ASIC2: variants seen among roughly 807,000 people sequenced by gnomAD.
ASIC2 encodes acid sensing ion channel subunit 2.
In ASIC2, 25 loss-of-function variants were observed where a neutral mutation model predicts 57.3. The ratio of observed to expected loss-of-function variants is 0.44; its 90% CI spans 0.32 to 0.61. ASIC2 has a LOEUF of 0.61. Ranked by LOEUF, ASIC2 falls within the 20% of genes least tolerant of loss-of-function variation. ASIC2 has a pLI of 0.06. For synonymous variants in ASIC2, 319 were observed against 307.5 expected (o/e 1.04, Z -0.39); for missense variants, 641 against 738.1 (o/e 0.87, Z 1.52).
intron 1 of ASIC2, among the ~76,000 whole-genome samples, chr17:33,956,942 G>A (rs1414153187): frequency 6.6e-6 from 1 of 152,226 alleles, no homozygotes; most frequent in Non-Finnish European, 1.5e-5. Flanking sequence ...AGAGAGGCAG[G>A]GGATAGCTGC....
chr17:33,668,375 G>T (rs1446976265), intron 1 of ASIC2, among the ~76,000 whole-genome samples: 1 of 148,828 alleles, frequency 6.7e-6, no homozygotes, highest in Non-Finnish European at 1.5e-5. Flanking sequence ...GGAAGCTCTG[G>T]GGGAAAATCC....
chr17:33,751,436 G>T (rs1337613094), intron 1 of ASIC2, among the ~76,000 whole-genome samples: 1 of 152,150 alleles, frequency 6.6e-6, no homozygotes, highest in African/African-American at 2.4e-5. Flanking sequence ...GAAGAGATAA[G>T]ATATAGAAAG....
intron 1 of ASIC2, among the ~76,000 whole-genome samples, chr17:33,193,083 TGA>T (rs1906489930): frequency 2.0e-5 from 3 of 152,200 alleles, no homozygotes; most frequent in African/African-American, 7.2e-5. Flanking sequence ...CTAACGGATT[TGA>T]AAGTCCTTTA....
intron 1 of ASIC2, chr17:33,976,565 T>A (rs1372315996): frequency 6.6e-6 from 1 of 152,178 alleles, no homozygotes; most frequent in Non-Finnish European, 1.5e-5. Flanking sequence ...TTGAGCCCTG[T>A]GCCCGGTGAA....
chr17:33,724,388 G>T (rs1309023137), intron 1 of ASIC2, among the ~76,000 whole-genome samples: 1 of 152,210 alleles, frequency 6.6e-6, no homozygotes, highest in Non-Finnish European at 1.5e-5. Flanking sequence ...TCATTGGAAA[G>T]TTCTGAGCCG....
At chr17:33,389,885 T>C (rs1909827114) in intron 1 of ASIC2, among the ~76,000 whole-genome samples, 1 of 152,178 alleles carries the variant, frequency 6.6e-6, no homozygotes, top group Admixed American at 6.5e-5. Flanking sequence ...ATAACAATGA[T>C]GAGTGAAACA....
At chr17:33,341,224 G>A (rs2142237091) in intron 1 of ASIC2, among the ~76,000 whole-genome samples, 1 of 152,250 alleles carries the variant, frequency 6.6e-6, no homozygotes. Context: ...GATTTGGTCG[G>A]TCAAGGCTGA....
chr17:33,378,848 T>C (rs763065044), intron 1 of ASIC2, among the ~76,000 whole-genome samples: 1 of 152,164 alleles, frequency 6.6e-6, no homozygotes, highest in Non-Finnish European at 1.5e-5. Flanking sequence ...GGAACAGCAA[T>C]GGAGCAAGGC....
chr17:33,126,512 G>A (rs1220822952), intron 1 of ASIC2, among the ~76,000 whole-genome samples: 1 of 152,094 alleles, frequency 6.6e-6, no homozygotes, highest in Non-Finnish European at 1.5e-5. Flanking sequence ...TTCTAGCCAG[G>A]CATGGCTCAC....
chr17:33,871,368 T>C (rs7210319), intron 1 of ASIC2, among the ~76,000 whole-genome samples: 5,342 of 152,238 alleles, frequency 0.035, 300 homozygotes, highest in African/African-American at 0.12. Context: ...GCTAACTACC[T>C]GCGGCAAGGC....
At chr17:34,100,164 A>T (rs1397978747) in intron 1 of ASIC2, among the ~76,000 whole-genome samples, 3 of 145,440 alleles carry the variant, frequency 2.1e-5, no homozygotes, top group Non-Finnish European at 4.5e-5. Context: ...CCTTAATTTA[A>T]CATTCTTCCT....
chr17:33,020,529 T>C (rs16575), intron 7 of ASIC2, among the ~76,000 whole-genome samples: 72,685 of 151,902 alleles, frequency 0.48, 17,538 homozygotes, highest in Middle Eastern at 0.51. Context: ...AGTCAAGTCC[T>C]TTAACTGTGC....
chr17:34,011,595 T>C (rs1268813659), intron 1 of ASIC2, among the ~76,000 whole-genome samples: 1 of 151,838 alleles, frequency 6.6e-6, no homozygotes, highest in Non-Finnish European at 1.5e-5. Flanking sequence ...GCCGCTGAGC[T>C]CCTTGAAGGA....
intron 1 of ASIC2, among the ~76,000 whole-genome samples, chr17:33,439,903 G>A (rs182544555): frequency 6.6e-6 from 1 of 152,332 alleles, no homozygotes; most frequent in Admixed American, 6.5e-5. Context: ...TGAGATGCGA[G>A]CGTGCATGCA....
In ASIC2 at chr17:33,017,640, G is replaced by A. The variant is rs1273630229; in HGVS notation, c.1486C>T (p.Leu496Phe). Reference sequence around the variant, plus strand: ...TAATCAAAGAGCTCTAGTATTGTAAGGATACTAGCACCAATGAACAATCCC... The same window carrying A: ...TAATCAAAGAGCTCTAGTATTGTAAAGATACTAGCACCAATGAACAATCCC... Reference protein sequence around the residue: ...QMGLFIGASILTILELFDYIY... With the variant: ...QMGLFIGASIFTILELFDYIY... Residue 496 changes from leucine (L) to phenylalanine (F), a missense_variant, in exon 8 of 10, where the codon CTT becomes TTT. Leu to Phe is a conservative substitution (Grantham distance 22). Coordinates refer to ENST00000225823, the MANE Select transcript of ASIC2 (RefSeq NM_183377.2). The A allele has an allele frequency of 6.2e-7, 1 of 1,613,710 alleles. No homozygotes were observed. Among genetic ancestry groups the A allele is most frequent in the Non-Finnish European group, 8.5e-7 (1 of 1,179,648 alleles).
At chr17:33,088,205 G>T (rs1349415031) in intron 3 of ASIC2, among the ~76,000 whole-genome samples, 1 of 152,178 alleles carries the variant, frequency 6.6e-6, no homozygotes, top group Non-Finnish European at 1.5e-5. Context: ...AGAAAGAAAC[G>T]GAGTCCGTGT....
At chr17:33,590,334 G>T (rs1009806102) in intron 1 of ASIC2, among the ~76,000 whole-genome samples, 15 of 152,128 alleles carry the variant, frequency 9.9e-5, no homozygotes, top group Admixed American at 9.2e-4. Flanking sequence ...TGTTGCTATT[G>T]TCATTGTTGT....
Position 33,769,572 on chromosome 17 carries a change from T to G in ASIC2, c.555+386406A>C, listed in dbSNP as rs1597868781. The stretch of plus-strand genomic sequence containing the variant: ...TTCCTTTCTGAAGGCAGAACACCTT[T>G]ATTTATGAACACGTATCCTTATTCC... On this transcript the variant is annotated intron_variant, in intron 1 of 9. Transcript: ENST00000359872. Among the ~76,000 whole-genome samples, 3 of 152,234 alleles carry G rather than the reference T, an allele frequency of 2.0e-5. No individual in the cohort carries two copies. The South Asian group carries it at 6.2e-4, about 31-fold the overall frequency.
intron 1 of ASIC2, among the ~76,000 whole-genome samples, chr17:34,010,710 GAC>G (rs1906685138): frequency 6.6e-6 from 1 of 150,880 alleles, no homozygotes; most frequent in South Asian, 2.1e-4. Flanking sequence ...TAACCACACA[GAC>G]ACACACAGAC....
Sources: gnomAD v4.1 joint callset for allele counts (sites outside exome capture counted in the v4.1 genomes callset) on GRCh38, gnomAD v4.1.1 for gene constraint, MANE v1.5 for transcripts, NCBI Gene and HGNC (gene_info 2026-07-23, HGNC 2026-07-21) for gene names.